XRCC4: variants seen among roughly 807,000 people sequenced by gnomAD.
XRCC4 encodes the protein DNA repair protein XRCC4.
Under a neutral mutation model 39.1 loss-of-function variants are expected in XRCC4, and 28 were observed. The observed-to-expected ratio is 0.72, with a 90% confidence interval of 0.53 to 0.98. The LOEUF is 0.98. Ranked by LOEUF, XRCC4 falls within the 50% of genes least tolerant of loss-of-function variation. XRCC4 has a pLI of 0.00. For synonymous variants in XRCC4, 123 were observed against 126.4 expected, an observed-to-expected ratio of 0.97 and a Z score of 0.18; for missense variants, 350 against 376.4, an observed-to-expected ratio of 0.93 and a Z score of 0.58.
intron 3 of XRCC4, among the ~76,000 whole-genome samples, chr5:83,112,171 T>C (rs1460280060): frequency 1.3e-5 from 2 of 152,208 alleles, no homozygotes; most frequent in Non-Finnish European, 2.9e-5. Context: ...GCTGCCAATT[T>C]ATATAAGTTT....
At position 83,097,353 on chromosome 5, in the gene XRCC4, T is replaced by G. The variant is rs544776548; in HGVS notation, c.-10-7557T>G. ...TTGAGGATATGTTATAGGTTTTGTT[T>G]TTTTTTTTTTCCTCAGACTAAGTTG... On this transcript the variant is annotated intron_variant, in intron 1 of 7. Transcript: ENST00000396027. Among the ~76,000 whole-genome samples, 36 of 151,614 alleles carry G rather than the reference T, an allele frequency of 2.4e-4. No individual in the cohort carries two copies. In the East Asian group the frequency reaches 5.8e-3, roughly 24 times the overall value.
chr5:83,156,696 T>C (rs1748982227), intron 3 of XRCC4, among the ~76,000 whole-genome samples: 1 of 152,118 alleles, frequency 6.6e-6, no homozygotes, highest in African/African-American at 2.4e-5. Context: ...TCTGTTAATA[T>C]GGCAGAAAGC....
intron 7 of XRCC4, among the ~76,000 whole-genome samples, chr5:83,276,646 C>T (rs1467151322): frequency 1.3e-5 from 2 of 152,126 alleles, no homozygotes; most frequent in Admixed American, 1.3e-4. Context: ...CCTTAGACTT[C>T]CCAGGATCCA....
chr5:83,224,321 A>G (rs766698347), intron 6 of XRCC4, among the ~76,000 whole-genome samples: 1 of 152,090 alleles, frequency 6.6e-6, no homozygotes, highest in African/African-American at 2.4e-5. Flanking sequence ...TAAGGTTTGC[A>G]TAAAACATCT....
intron 6 of XRCC4, among the ~76,000 whole-genome samples, chr5:83,251,565 T>A (rs1753318265): frequency 6.6e-6 from 1 of 152,036 alleles, no homozygotes; most frequent in South Asian, 2.1e-4. Flanking sequence ...TTGAAATGTT[T>A]TGTAGGCGTA....
chr5:83,190,426 A>G lies in XRCC4; in HGVS notation c.316-5344A>G, dbSNP rs183417427. 8.6e-4 allele frequency among the ~76,000 whole-genome samples: 131 copies of G among 152,092 alleles called. No homozygotes were observed. In the Middle Eastern group the frequency reaches 0.01, roughly 12 times the overall value. On this transcript the variant is annotated intron_variant, in intron 3 of 7. Transcript: ENST00000396027. ...ATTTTTCTCTGATGTGAATAAATTT[A>G]AAAGCACTCACTGCAACAAAATGAG...
chr5:83,332,280 G>A (rs1280889200), intron 7 of XRCC4, among the ~76,000 whole-genome samples: 2 of 151,020 alleles, frequency 1.3e-5, no homozygotes, highest in South Asian at 2.1e-4. Context: ...AAGAGAGAGA[G>A]AGAGAGAAAT....
intron 3 of XRCC4, among the ~76,000 whole-genome samples, chr5:83,134,464 C>G (rs978382834): frequency 6.6e-6 from 1 of 152,162 alleles, no homozygotes; most frequent in African/African-American, 2.4e-5. Context: ...AGTCAGCCCT[C>G]TGTTTCTAGC....
intron 7 of XRCC4, among the ~76,000 whole-genome samples, chr5:83,320,672 C>T (rs79881415): frequency 0.021 from 3,216 of 152,126 alleles, 96 homozygotes; most frequent in African/African-American, 0.068. Context: ...TTGGCAACTA[C>T]CACCCTGATC....
At chr5:83,166,135 C>T (rs1378458754) in intron 3 of XRCC4, among the ~76,000 whole-genome samples, 3 of 152,070 alleles carry the variant, frequency 2.0e-5, no homozygotes, top group African/African-American at 7.2e-5. Context: ...GATCCACCCA[C>T]CTTGGCCTCC....
chr5:83,132,157 C>T (rs1200946601), intron 3 of XRCC4, among the ~76,000 whole-genome samples: 2 of 152,032 alleles, frequency 1.3e-5, no homozygotes, highest in African/African-American at 2.4e-5. Context: ...TTTGGCTGGA[C>T]ATGAAATTCT....
chr5:83,316,381 T>C (rs1033419179), intron 7 of XRCC4, among the ~76,000 whole-genome samples: 5 of 151,816 alleles, frequency 3.3e-5, no homozygotes, highest in Non-Finnish European at 7.4e-5. Context: ...ATGGACAAAA[T>C]TCTGCAATTA....
chr5:83,090,715 A>G (rs912157557), intron 1 of XRCC4, among the ~76,000 whole-genome samples: 15 of 152,134 alleles, frequency 9.9e-5, no homozygotes, highest in African/African-American at 3.6e-4. Context: ...CTTCATTATT[A>G]TAAACTCAGG....
intron 7 of XRCC4, among the ~76,000 whole-genome samples, chr5:83,289,784 G>A (rs1308870397): frequency 1.3e-5 from 2 of 151,698 alleles, no homozygotes; most frequent in Non-Finnish European, 1.5e-5. Flanking sequence ...CATATCCCAC[G>A]TGGGATAGGG....
At chr5:83,331,780 A>G (rs1429512205) in intron 7 of XRCC4, among the ~76,000 whole-genome samples, 1 of 152,178 alleles carries the variant, frequency 6.6e-6, no homozygotes, top group Admixed American at 6.6e-5. Context: ...TTTTCCTAGT[A>G]AGAAGCAGCA....
At chr5:83,350,916 T>G (rs952563504) in intron 7 of XRCC4, among the ~76,000 whole-genome samples, 6 of 152,210 alleles carry the variant, frequency 3.9e-5, no homozygotes, top group African/African-American at 1.4e-4. Flanking sequence ...ATTTAAATTT[T>G]TAAGCCATCT....
intron 3 of XRCC4, among the ~76,000 whole-genome samples, chr5:83,186,543 T>G (rs2112667921): frequency 6.6e-6 from 1 of 152,250 alleles, no homozygotes; most frequent in South Asian, 2.1e-4. Context: ...AATTCATGAT[T>G]CTCTCTCCCT....
intron 6 of XRCC4, among the ~76,000 whole-genome samples, chr5:83,243,987 G>A (rs1300013710): frequency 1.3e-5 from 2 of 152,142 alleles, no homozygotes; most frequent in East Asian, 3.9e-4. Context: ...TAATATTGGA[G>A]ATGTGGCAGA....
intron 7 of XRCC4, among the ~76,000 whole-genome samples, chr5:83,294,435 T>G (rs1170287415): frequency 6.6e-6 from 1 of 152,098 alleles, no homozygotes; most frequent in African/African-American, 2.4e-5. Context: ...AGCTGTATTG[T>G]GCTCTGAAAA....
Sources: gnomAD v4.1 joint callset for allele counts (sites outside exome capture counted in the v4.1 genomes callset) on GRCh38, gnomAD v4.1.1 for gene constraint, MANE v1.5 for transcripts, NCBI Gene and HGNC (gene_info 2026-07-23, HGNC 2026-07-21) for gene names.